STXBP5L: variants seen among roughly 807,000 people sequenced by gnomAD.
STXBP5L encodes the protein syntaxin binding protein 5L.
STXBP5L carries 65 observed loss-of-function variants against 144.5 expected under a neutral mutation model. That is an observed-to-expected ratio of 0.45 (90% CI 0.37 to 0.55). The LOEUF (loss-of-function observed/expected upper bound fraction) is 0.55, where lower values mean the gene tolerates loss of function less well. Ranked by LOEUF, STXBP5L falls within the 20% of genes least tolerant of loss-of-function variation. The pLI is 0.00. For synonymous variants in STXBP5L, 505 were observed against 469.6 expected, an observed-to-expected ratio of 1.08 and a Z score of -0.97; for missense variants, 1,298 against 1,405.5, an observed-to-expected ratio of 0.92 and a Z score of 1.22.
In STXBP5L at chr3:121,081,356, A is replaced by G. The variant is rs986975139; in HGVS notation, c.471-33569A>G. ...TGTTCTTGAATTTAGTTTTGATTGG[A>G]TTGTGGTGTTTTTTAAATTTCTTTC... On this transcript the variant is annotated intron_variant, in intron 5 of 26. Transcript: ENST00000471454. Among the ~76,000 whole-genome samples the G allele has an allele frequency of 1.3e-4, 20 of 151,704 alleles. 1 individual carries two copies. Among genetic ancestry groups the G allele is most frequent in the East Asian group, 1.9e-4 (1 of 5,170 alleles).
At chr3:121,040,170 C>T (rs1947050605) in intron 3 of STXBP5L, among the ~76,000 whole-genome samples, 1 of 151,960 alleles carries the variant, frequency 6.6e-6, no homozygotes, top group South Asian at 2.1e-4. Context: ...GAATGCCATA[C>T]CTCTTGAATT....
At chr3:121,108,834 G>A (rs2043839313) in intron 5 of STXBP5L, among the ~76,000 whole-genome samples, 1 of 152,180 alleles carries the variant, frequency 6.6e-6, no homozygotes, top group South Asian at 2.1e-4. Context: ...CTATAAATCA[G>A]TCTGGTCCTG....
At chr3:121,236,216 A>G (rs1377807151) in intron 12 of STXBP5L, among the ~76,000 whole-genome samples, 1 of 152,240 alleles carries the variant, frequency 6.6e-6, no homozygotes, top group Non-Finnish European at 1.5e-5. Context: ...TTTTAGATAT[A>G]CACAGTCACA....
chr3:121,186,002 A>T (rs2047366195), intron 9 of STXBP5L, among the ~76,000 whole-genome samples: 1 of 152,232 alleles, frequency 6.6e-6, no homozygotes, highest in Non-Finnish European at 1.5e-5. Flanking sequence ...CTCCTTGAAG[A>T]GGTCCTTCAT....
intron 9 of STXBP5L, among the ~76,000 whole-genome samples, chr3:121,204,695 G>C (rs138771273): frequency 3.4e-5 from 5 of 145,260 alleles, no homozygotes; most frequent in African/African-American, 4.9e-5. Context: ...ATAAACAACT[G>C]TGGTAATACA....
intron 3 of STXBP5L, among the ~76,000 whole-genome samples, chr3:121,013,379 T>A (rs947237050): frequency 6.6e-6 from 1 of 152,240 alleles, no homozygotes; most frequent in Non-Finnish European, 1.5e-5. Context: ...TTTTTAATAA[T>A]AGTCATTCTG....
chr3:121,151,219 A>C (rs986063906), intron 7 of STXBP5L, among the ~76,000 whole-genome samples: 1 of 152,220 alleles, frequency 6.6e-6, no homozygotes, highest in Non-Finnish European at 1.5e-5. Context: ...ATTTTATTTT[A>C]AGAAATATTA....
intron 5 of STXBP5L, among the ~76,000 whole-genome samples, chr3:121,057,536 A>G (rs905851650): frequency 1.3e-5 from 2 of 151,950 alleles, no homozygotes; most frequent in African/African-American, 4.8e-5. Flanking sequence ...CTATAGATTA[A>G]TTTTGCCTGT....
intron 24 of STXBP5L, among the ~76,000 whole-genome samples, chr3:121,414,098 A>T (rs1419579862): frequency 6.6e-6 from 1 of 152,102 alleles, no homozygotes; most frequent in African/African-American, 2.4e-5. Flanking sequence ...ATGTTTTTTT[A>T]AATAAATAAT....
intron 5 of STXBP5L, among the ~76,000 whole-genome samples, chr3:121,057,525 T>C (rs1452584653): frequency 6.6e-6 from 1 of 151,998 alleles, no homozygotes; most frequent in African/African-American, 2.4e-5. Context: ...AATTTCCAAC[T>C]CTATAGATTA....
chr3:120,990,023 T>A (rs1251695285), intron 3 of STXBP5L, among the ~76,000 whole-genome samples: 1 of 152,124 alleles, frequency 6.6e-6, no homozygotes, highest in Non-Finnish European at 1.5e-5. Flanking sequence ...AAATTGTCCC[T>A]GTTTGCAGAC....
chr3:121,126,522 G>A (rs1419870057), intron 7 of STXBP5L, among the ~76,000 whole-genome samples: 6 of 152,068 alleles, frequency 3.9e-5, no homozygotes, highest in African/African-American at 1.2e-4. Context: ...CTTTAAAAAT[G>A]TTCTTCTGTG....
intron 23 of STXBP5L, among the ~76,000 whole-genome samples, chr3:121,409,464 T>G (rs1560065923): frequency 6.6e-6 from 1 of 151,920 alleles, no homozygotes; most frequent in Non-Finnish European, 1.5e-5. Context: ...AAAGCAAATC[T>G]TAGCAGCATG....
In STXBP5L at chr3:121,337,019, A is replaced by G. The variant is rs1347528048; in HGVS notation, c.2176+18479A>G. On this transcript the variant is annotated intron_variant, in intron 20 of 26. Coordinates refer to ENST00000471454, the MANE Select transcript of STXBP5L (RefSeq NM_001308330.2). ...GCAGGAACAGAAAACCAAATACTGC[A>G]TGTTCTCATTTACAAGTGGGAGCTA... is the stretch of plus-strand genomic sequence containing the variant. 3.9e-5 allele frequency among the ~76,000 whole-genome samples: 6 copies of G among 152,326 alleles called. No individual in the cohort carries two copies. In the South Asian group the frequency reaches 6.2e-4, roughly 16 times the overall value.
intron 18 of STXBP5L, among the ~76,000 whole-genome samples, chr3:121,277,280 A>G (rs760420684): frequency 4.5e-4 from 68 of 151,988 alleles, no homozygotes; most frequent in Non-Finnish European, 8.5e-4. Flanking sequence ...AATTTTATCC[A>G]TGAGAGCTCC....
Sources: gnomAD v4.1 joint callset for allele counts (sites outside exome capture counted in the v4.1 genomes callset) on GRCh38, gnomAD v4.1.1 for gene constraint, MANE v1.5 for transcripts, NCBI Gene and HGNC (gene_info 2026-07-23, HGNC 2026-07-21) for gene names.